The following SH3KBP1 variants were observed in gnomAD, a reference collection of about 807,000 sequenced individuals.
SH3KBP1 encodes the protein SH3 domain-containing kinase-binding protein 1.
Under a neutral mutation model 50.1 loss-of-function variants are expected in SH3KBP1, and 8 were observed. The ratio of observed to expected loss-of-function variants is 0.16; its 90% CI spans 0.09 to 0.29. The LOEUF (loss-of-function observed/expected upper bound fraction) is 0.29. Among genes scored for constraint, SH3KBP1 ranks in the 10% least tolerant of loss-of-function variants. The pLI is 1.00. For missense variants in SH3KBP1, 377 were observed against 535.2 expected (o/e 0.70, Z 2.92); for synonymous variants, 227 against 218.6 (o/e 1.04, Z -0.34).
chrX:19,824,422 CA>C lies in SH3KBP1; in HGVS notation c.162+11702del, dbSNP rs1229824576. On this transcript the variant is annotated intron_variant, in intron 2 of 17. Transcript: ENST00000397821. ...AATGCCCAAGCTTTAGATCAAGCAGCAGAATCACCTGAACTTTTTAAAAGAT... is the reference window on the plus strand; with the variant it reads ...AATGCCCAAGCTTTAGATCAAGCAGCGAATCACCTGAACTTTTTAAAAGAT... 4.5e-5 allele frequency among the ~76,000 whole-genome samples: 5 copies of C among 111,574 alleles called. 1 individual carries two copies. Among genetic ancestry groups the C allele is most frequent in the Admixed American group, 1.9e-4 (2 of 10,483 alleles).
At chrX:19,642,706 T>C (rs773501576) in intron 7 of SH3KBP1, among the ~76,000 whole-genome samples, 1 of 112,073 alleles carries the variant, frequency 8.9e-6, no homozygotes, top group South Asian at 3.7e-4. Context: ...CTCAGGGCAC[T>C]TCATTATGAA....
intron 3 of SH3KBP1, among the ~76,000 whole-genome samples, chrX:19,723,257 A>G (rs138402196): frequency 8.9e-6 from 1 of 112,039 alleles, no homozygotes; most frequent in Non-Finnish European, 1.9e-5. Flanking sequence ...AGATATATGC[A>G]TAATGTCCAC....
intron 2 of SH3KBP1, among the ~76,000 whole-genome samples, chrX:19,780,470 G>T (rs1368070381): frequency 7.0e-5 from 7 of 99,438 alleles, no homozygotes; most frequent in East Asian, 3.2e-4. Context: ...GTCAATTTTG[G>T]CTTTTGTTGC....
intron 7 of SH3KBP1, among the ~76,000 whole-genome samples, chrX:19,634,150 CAG>C (rs748118013): frequency 1.9e-4 from 19 of 98,105 alleles, no homozygotes; most frequent in African/African-American, 6.4e-4. Context: ...CAGAGAGACA[CAG>C]AGAGAGAGAG....
At chrX:19,590,209 T>C (rs2066702266) in intron 11 of SH3KBP1, among the ~76,000 whole-genome samples, 1 of 112,208 alleles carries the variant, frequency 8.9e-6, no homozygotes, top group Non-Finnish European at 1.9e-5. Flanking sequence ...ACTCATTTTA[T>C]GGCACACAGG....
intron 1 of SH3KBP1, among the ~76,000 whole-genome samples, chrX:19,853,225 G>T (rs769496368): frequency 2.5e-4 from 28 of 112,651 alleles, no homozygotes; most frequent in Non-Finnish European, 4.1e-4. Flanking sequence ...AGCATTAATG[G>T]GTGACAATGA....
chrX:19,867,148 C>T (rs947908261), intron 1 of SH3KBP1, among the ~76,000 whole-genome samples: 2 of 111,634 alleles, frequency 1.8e-5, no homozygotes, highest in African/African-American at 6.5e-5. Flanking sequence ...ACAAGAAGAC[C>T]TGAGAAGGCT....
At chrX:19,564,157 G>A (rs1203634888) in intron 13 of SH3KBP1, among the ~76,000 whole-genome samples, 2 of 111,836 alleles carry the variant, frequency 1.8e-5, no homozygotes, top group Non-Finnish European at 3.8e-5. Flanking sequence ...CCCCAAGTCA[G>A]GAGATCTGAA....
At chrX:19,680,149 C>T (rs1022606644) in intron 6 of SH3KBP1, among the ~76,000 whole-genome samples, 1 of 110,498 alleles carries the variant, frequency 9.0e-6, no homozygotes, top group Non-Finnish European at 1.9e-5. Context: ...CCAAGGTGGG[C>T]GGATCACTTG....
chrX:19,846,942 G>A (rs1250656178), intron 1 of SH3KBP1, among the ~76,000 whole-genome samples: 1 of 111,559 alleles, frequency 9.0e-6, no homozygotes, highest in Non-Finnish European at 1.9e-5. Context: ...TGGACATGTT[G>A]TATGAAAGAA....
chrX:19,783,365 C>T (rs2066243057), intron 2 of SH3KBP1, among the ~76,000 whole-genome samples: 1 of 111,884 alleles, frequency 8.9e-6, no homozygotes, highest in Non-Finnish European at 1.9e-5. Context: ...ATTAGCATAT[C>T]CATCACCTCA....
chrX:19,859,195 C>T (rs1324223749), intron 1 of SH3KBP1, among the ~76,000 whole-genome samples: 4 of 109,996 alleles, frequency 3.6e-5, no homozygotes, highest in Non-Finnish European at 7.6e-5. Flanking sequence ...GTTGCCCAGG[C>T]TGGAGTACAA....
intron 3 of SH3KBP1, among the ~76,000 whole-genome samples, chrX:19,735,824 C>G (rs1049195748): frequency 1.9e-5 from 2 of 107,266 alleles, no homozygotes; most frequent in African/African-American, 6.8e-5. Flanking sequence ...CCCGGGTTCA[C>G]GCCATTCTCC....
chrX:19,825,968 G>A (rs953271223), intron 2 of SH3KBP1, among the ~76,000 whole-genome samples: 3 of 112,086 alleles, frequency 2.7e-5, no homozygotes, highest in African/African-American at 9.7e-5. Flanking sequence ...ACTGTACACA[G>A]ACAGACATGG....
At chrX:19,766,483 CTTTTTTTTTTTTTTTTTTTTTTTTTT>C (rs61439964) in intron 2 of SH3KBP1, among the ~76,000 whole-genome samples, 6 of 22,590 alleles carry the variant, frequency 2.7e-4, no homozygotes, top group African/African-American at 1.0e-3. Context: ...TTGATTGCAT[CTTTTTTTTTTTTTTTTTTTTTTTTTT>C]TTTTTTTTTT....
At chrX:19,873,353 A>G (rs2147547726) in intron 1 of SH3KBP1, among the ~76,000 whole-genome samples, 1 of 103,921 alleles carries the variant, frequency 9.6e-6, no homozygotes, top group Non-Finnish European at 2.0e-5. Flanking sequence ...ATACATGTAC[A>G]TATAGCAACA....
intron 7 of SH3KBP1, among the ~76,000 whole-genome samples, chrX:19,636,362 T>TAC (rs1380328187): frequency 4.7e-5 from 5 of 107,343 alleles, no homozygotes; most frequent in Non-Finnish European, 7.7e-5. Context: ...CAACAAACCA[T>TAC]ACACACACAC....
At chrX:19,620,298 G>T (rs1486938561) in intron 8 of SH3KBP1, among the ~76,000 whole-genome samples, 1 of 112,146 alleles carries the variant, frequency 8.9e-6, no homozygotes, top group Non-Finnish European at 1.9e-5. Flanking sequence ...GGAACAGGAG[G>T]TGAAGGGCAT....
intron 6 of SH3KBP1, chrX:19,664,633 T>C (rs966967423): frequency 8.9e-6 from 1 of 112,111 alleles, no homozygotes; most frequent in African/African-American, 3.2e-5. Flanking sequence ...TCACAGATCC[T>C]ATAACCCTTC....
Sources: gnomAD v4.1 joint callset for allele counts (sites outside exome capture counted in the v4.1 genomes callset) on GRCh38, gnomAD v4.1.1 for gene constraint, MANE v1.5 for transcripts, NCBI Gene and HGNC (gene_info 2026-07-23, HGNC 2026-07-21) for gene names.